Variants in TRIM37 observed in about 807,000 individuals in gnomAD.
TRIM37 encodes tripartite motif containing 37.
Under a neutral mutation model 129.8 loss-of-function variants are expected in TRIM37, and 80 were observed. That is an observed-to-expected ratio of 0.62 (90% CI 0.51 to 0.74). The LOEUF (loss-of-function observed/expected upper bound fraction) is 0.74, where lower values mean the gene tolerates loss of function less well. Ranked by LOEUF, TRIM37 falls within the 30% of genes least tolerant of loss-of-function variation. The pLI is 0.00. For missense variants in TRIM37, 1,054 were observed against 1,176.5 expected (o/e 0.90, Z 1.52); for synonymous variants, 389 against 387.1 (o/e 1.00, Z -0.06).
chr17:59,100,062 A>C (rs376338644), intron 2 of TRIM37, among the ~76,000 whole-genome samples: 15 of 151,920 alleles, frequency 9.9e-5, no homozygotes, highest in African/African-American at 3.6e-4. Context: ...TCGGCCTCCC[A>C]ATCCTTTTTT....
rs2046024354 is a variant in TRIM37, at chr17:59,106,581, G to C, written c.-120C>G. ...TAAAAGCCCGGCGCCCACGTCAGGG[G>C]GCTCTGACAACCGCCCCACCTGCGC... On this transcript the variant is annotated 5_prime_UTR_variant, in exon 1 of 24. Coordinates refer to ENST00000262294, the MANE Select transcript of TRIM37 (RefSeq NM_015294.6). 8.0e-7 allele frequency: 1 copy of C among 1,252,612 alleles called. No individual in the cohort carries two copies. Among genetic ancestry groups the C allele is most frequent in the South Asian group, 1.3e-5 (1 of 78,706 alleles). The allele number at this position is 1,252,612 out of a possible 1,614,324, so 77.6% of individuals were successfully genotyped here.
At chr17:59,077,314 G>C (rs1335336385) in intron 7 of TRIM37, among the ~76,000 whole-genome samples, 1 of 150,310 alleles carries the variant, frequency 6.7e-6, no homozygotes, top group Non-Finnish European at 1.5e-5. Flanking sequence ...ACATTGCCCA[G>C]GCTGGGCTTA....
intron 18 of TRIM37, among the ~76,000 whole-genome samples, chr17:59,029,299 G>A (rs1027773921): frequency 6.6e-6 from 1 of 152,098 alleles, no homozygotes; most frequent in Non-Finnish European, 1.5e-5. Flanking sequence ...TTCCATTTCT[G>A]ATAATTTTCT....
At chr17:59,097,128 G>A (rs561207721) in intron 2 of TRIM37, among the ~76,000 whole-genome samples, 7 of 152,062 alleles carry the variant, frequency 4.6e-5, no homozygotes, top group African/African-American at 1.7e-4. Flanking sequence ...CTTGATAAAG[G>A]CCATATATAA....
At chr17:59,091,201 A>G in intron 3 of TRIM37, 99 bp downstream of exon 3, 2 of 741,178 alleles carry the variant, frequency 2.7e-6, no homozygotes, top group Non-Finnish European at 4.4e-6. Flanking sequence ...CGAAGAAGAG[A>G]AATGGGCAGA....
chr17:59,100,782 G>C (rs968331578), intron 2 of TRIM37, among the ~76,000 whole-genome samples: 1 of 152,114 alleles, frequency 6.6e-6, no homozygotes, highest in Non-Finnish European at 1.5e-5. Flanking sequence ...TAGCACTTTG[G>C]GAGGCTGAGG....
intron 19 of TRIM37, among the ~76,000 whole-genome samples, chr17:59,027,508 C>A (rs2037372872): frequency 1.3e-5 from 2 of 152,092 alleles, no homozygotes; most frequent in Non-Finnish European, 2.9e-5. Flanking sequence ...GAACCTCAGT[C>A]AAGAAAGGCT....
chr17:59,104,363 C>G lies in TRIM37; in HGVS notation c.53G>C (p.Cys18Ser). The stretch of plus-strand genomic sequence containing the variant: ...GCGTGCATCCCGCAATTTCTCCATA[C>G]AAATGAAACATCGGAAAACCTCAGC... Reference protein sequence around the residue: ...SIAEVFRCFICMEKLRDARLC... With the variant: ...SIAEVFRCFISMEKLRDARLC... Residue 18 changes from cysteine to serine, a missense_variant, in exon 2 of 24, where the codon TGT becomes TCT. Around this residue, in one of 3 missense-constraint regions of TRIM37, gnomAD observed 752 missense variants for 870.8 expected, o/e 0.86. Transcript: ENST00000262294. The G allele has an allele frequency of 1.9e-6, 3 of 1,614,182 alleles. No homozygotes were observed. Among genetic ancestry groups the G allele is most frequent in the Non-Finnish European group, 2.5e-6 (3 of 1,180,026 alleles).
chr17:59,093,150 AAAAAATAAAAT>A (rs551616464), intron 2 of TRIM37, among the ~76,000 whole-genome samples: 115 of 152,322 alleles, frequency 7.5e-4, no homozygotes, highest in Middle Eastern at 3.4e-3. Context: ...ATTCTGTCTC[AAAAAATAAAAT>A]AAAAATAAAA....
At chr17:59,010,880 C>T (rs2035163860) in intron 22 of TRIM37, among the ~76,000 whole-genome samples, 2 of 152,016 alleles carry the variant, frequency 1.3e-5, no homozygotes, top group African/African-American at 4.8e-5. Flanking sequence ...TAGAAAGTAA[C>T]TATTCCCCGG....
At chr17:59,019,062 T>C (rs2036275782) in intron 19 of TRIM37, among the ~76,000 whole-genome samples, 1 of 152,188 alleles carries the variant, frequency 6.6e-6, no homozygotes. Context: ...GAATATAAAA[T>C]GATGCAGCTA....
chr17:59,025,954 A>G (rs80264674), intron 19 of TRIM37, among the ~76,000 whole-genome samples: 123 of 152,258 alleles, frequency 8.1e-4, no homozygotes, highest in Admixed American at 2.0e-3. Context: ...ACCTTTATTC[A>G]TTCTACTAAA....
At chr17:59,018,142 G>C (rs1175233128) in intron 19 of TRIM37, among the ~76,000 whole-genome samples, 1 of 152,112 alleles carries the variant, frequency 6.6e-6, no homozygotes, top group Non-Finnish European at 1.5e-5. Flanking sequence ...GTAGTGAAAA[G>C]AAAATGTACG....
intron 2 of TRIM37, among the ~76,000 whole-genome samples, chr17:59,091,930 A>G (rs1236864585): frequency 6.6e-6 from 1 of 151,878 alleles, no homozygotes; most frequent in East Asian, 1.9e-4. Flanking sequence ...GCACTCAAAA[A>G]TAAACCACAG....
intron 17 of TRIM37, among the ~76,000 whole-genome samples, chr17:59,034,755 CTG>C (rs533704305): frequency 1.1e-3 from 162 of 152,134 alleles, no homozygotes; most frequent in Non-Finnish European, 1.9e-3. Flanking sequence ...CCAAGCTATT[CTG>C]TGTGTCTCAT....
chr17:59,075,015 G>T (rs2042683008), intron 8 of TRIM37, among the ~76,000 whole-genome samples: 1 of 152,046 alleles, frequency 6.6e-6, no homozygotes, highest in African/African-American at 2.4e-5. Flanking sequence ...AAAGTAACTG[G>T]CAATAATATC....
intron 9 of TRIM37, among the ~76,000 whole-genome samples, 163 bp from the exon 10 acceptor site, chr17:59,064,568 C>T (rs886933500): frequency 4.6e-5 from 7 of 152,068 alleles, no homozygotes; most frequent in Admixed American, 4.6e-4. Context: ...CAAATGAATT[C>T]ATAAAACCAT....
chr17:59,103,093 G>C (rs1260199423), intron 2 of TRIM37, among the ~76,000 whole-genome samples: 3 of 151,826 alleles, frequency 2.0e-5, no homozygotes, highest in Non-Finnish European at 4.4e-5. Context: ...GGATGGTCTC[G>C]AACTCCTGAC....
chr17:59,059,039 A>G (rs573141416), intron 12 of TRIM37, among the ~76,000 whole-genome samples: 17 of 152,198 alleles, frequency 1.1e-4, no homozygotes, highest in Non-Finnish European at 1.8e-4. Flanking sequence ...AACTATTTGC[A>G]AATCATATGT....
Sources: allele counts gnomAD v4.1 joint callset (sites outside exome capture counted in the v4.1 genomes callset), GRCh38; gene constraint gnomAD v4.1.1; regional missense constraint gnomAD v4.1.1; transcripts MANE v1.5; gene names NCBI Gene and HGNC (gene_info 2026-07-23, HGNC 2026-07-21).